The following PIGL variants were observed in gnomAD, a reference collection of about 807,000 sequenced individuals.
PIGL encodes the protein N-acetylglucosaminyl-phosphatidylinositol de-N-acetylase.
In PIGL, 22 loss-of-function variants were observed where a neutral mutation model predicts 31.1. That is an observed-to-expected ratio of 0.71 (90% CI 0.51 to 1.01). The LOEUF (loss-of-function observed/expected upper bound fraction) is 1.01. Ranked by LOEUF, PIGL falls within the 50% of genes least tolerant of loss-of-function variation. The pLI is 0.00. For missense variants in PIGL, 302 were observed against 315.9 expected (o/e 0.96, Z 0.33); for synonymous variants, 131 against 117.4 (o/e 1.12, Z -0.75).
chr17:16,318,497 C>G (rs751533343), intron 6 of PIGL, among the ~76,000 whole-genome samples: 5 of 151,962 alleles, frequency 3.3e-5, no homozygotes, highest in Non-Finnish European at 7.4e-5. Context: ...TCTCGACCTC[C>G]TGACCTCGGG....
At chr17:16,262,944 T>C (rs1479152655) in intron 2 of PIGL, among the ~76,000 whole-genome samples, 1 of 152,176 alleles carries the variant, frequency 6.6e-6, no homozygotes, top group Non-Finnish European at 1.5e-5. Context: ...AACATTATGC[T>C]AAGTGAAATA....
At chr17:16,258,102 A>AG (rs2092803253) in intron 2 of PIGL, among the ~76,000 whole-genome samples, 227 of 110,506 alleles carry the variant, frequency 2.1e-3, no homozygotes, top group East Asian at 5.2e-3. Context: ...AGAGAGAGAG[A>AG]AAGAGAGAGA....
chr17:16,294,621 C>G (rs549566135), intron 2 of PIGL, among the ~76,000 whole-genome samples: 98 of 152,314 alleles, frequency 6.4e-4, no homozygotes, highest in African/African-American at 1.5e-3. Flanking sequence ...CATTGAACAC[C>G]TGCTGTGAGT....
intron 2 of PIGL, among the ~76,000 whole-genome samples, chr17:16,258,820 A>G (rs1349907196): frequency 6.6e-6 from 1 of 152,184 alleles, no homozygotes; most frequent in East Asian, 1.9e-4. Context: ...ACATTTTTTT[A>G]TTAACCAAAA....
intron 2 of PIGL, among the ~76,000 whole-genome samples, chr17:16,273,831 G>C (rs144135979): frequency 5.3e-5 from 8 of 152,312 alleles, no homozygotes; most frequent in African/African-American, 1.9e-4. Flanking sequence ...TCTGCCTAAA[G>C]GGGGGAAACA....
intron 2 of PIGL, among the ~76,000 whole-genome samples, chr17:16,272,827 G>A (rs1362997531): frequency 6.6e-6 from 1 of 152,058 alleles, no homozygotes; most frequent in Non-Finnish European, 1.5e-5. Flanking sequence ...GGCCACTTGG[G>A]TCGGTCACCT....
At chr17:16,234,130 A>G (rs1600753750) in intron 2 of PIGL, 60 bp downstream of exon 2, 1 of 952,610 alleles carries the variant, frequency 1.0e-6, no homozygotes, top group East Asian at 2.4e-5. Context: ...TGATATACTC[A>G]AAAGACACAC....
intron 1 of PIGL, among the ~76,000 whole-genome samples, chr17:16,232,472 T>C (rs1053942194): frequency 1.3e-5 from 2 of 152,160 alleles, no homozygotes; most frequent in Admixed American, 1.3e-4. Flanking sequence ...CCAAACTTAT[T>C]GAAAATAGTT....
rs529702953 is a variant in PIGL at position 16,268,763 on chromosome 17, C to G, written c.336-31125C>G. Among the ~76,000 whole-genome samples, 4 of 150,174 alleles carry G rather than the reference C, an allele frequency of 2.7e-5. No homozygotes were observed. In the East Asian group the frequency reaches 8.0e-4, roughly 30 times the overall value. ...CTGCGCCTGGCGTTTTTTTGTTGTTCTTGTTATTTGTTTTTTTAGATGGGA... is the reference window on the plus strand; with the variant it reads ...CTGCGCCTGGCGTTTTTTTGTTGTTGTTGTTATTTGTTTTTTTAGATGGGA... On this transcript the variant is annotated intron_variant, in intron 2 of 6. Transcript: ENST00000225609.
At chr17:16,234,453 A>G (rs1034352617) in intron 2 of PIGL, among the ~76,000 whole-genome samples, 1 of 151,160 alleles carries the variant, frequency 6.6e-6, no homozygotes, top group Non-Finnish European at 1.5e-5. Flanking sequence ...TCAAAAAAGA[A>G]AAGAAAAGTC....
chr17:16,321,237 CTTT>C (rs772667855), intron 6 of PIGL, among the ~76,000 whole-genome samples: 4 of 119,822 alleles, frequency 3.3e-5, no homozygotes, highest in Admixed American at 8.5e-5. Context: ...TGCGCCGGGC[CTTT>C]TTTTTTTTTT....
At chr17:16,290,275 G>T (rs1303376788) in intron 2 of PIGL, among the ~76,000 whole-genome samples, 1 of 151,718 alleles carries the variant, frequency 6.6e-6, no homozygotes, top group Non-Finnish European at 1.5e-5. Flanking sequence ...TAGAAATGGG[G>T]TTTCCACATG....
chr17:16,225,689 T>C (rs534777373), intron 1 of PIGL, among the ~76,000 whole-genome samples: 1 of 152,006 alleles, frequency 6.6e-6, no homozygotes, highest in East Asian at 1.9e-4. Context: ...AGAACCATAT[T>C]TGTGGTAATA....
intron 2 of PIGL, among the ~76,000 whole-genome samples, chr17:16,253,328 A>G (rs1198000675): frequency 2.0e-5 from 3 of 152,182 alleles, no homozygotes; most frequent in African/African-American, 7.2e-5. Flanking sequence ...ACCCATGCCT[A>G]TTAAAGTGCA....
At chr17:16,304,899 G>C (rs2093020302) in intron 3 of PIGL, among the ~76,000 whole-genome samples, 1 of 152,090 alleles carries the variant, frequency 6.6e-6, no homozygotes, top group African/African-American at 2.4e-5. Context: ...TTTGTTGTGG[G>C]GGTTGGCCTT....
At chr17:16,307,493 A>G (rs1245686299) in intron 3 of PIGL, among the ~76,000 whole-genome samples, 1 of 151,892 alleles carries the variant, frequency 6.6e-6, no homozygotes, top group Admixed American at 6.6e-5. Flanking sequence ...AGTTGGCAAG[A>G]CTCTTTCTTT....
intron 2 of PIGL, among the ~76,000 whole-genome samples, chr17:16,276,251 G>A (rs1415558233): frequency 6.6e-6 from 1 of 152,170 alleles, no homozygotes; most frequent in Non-Finnish European, 1.5e-5. Context: ...CTGGGCAATT[G>A]TTGAAACCAA....
chr17:16,226,019 A>AC (rs1289430277), intron 1 of PIGL, among the ~76,000 whole-genome samples: 2 of 151,872 alleles, frequency 1.3e-5, no homozygotes, highest in African/African-American at 4.8e-5. Flanking sequence ...AAAAAAAAAA[A>AC]AGTTAGCCAG....
In PIGL at chr17:16,281,881, C is replaced by A. The variant is rs1369367770; in HGVS notation, c.336-18007C>A. 3 of 304,704 alleles carry A rather than the reference C, an allele frequency of 9.8e-6. No homozygotes were observed. In the East Asian group the frequency reaches 2.7e-4, roughly 27 times the overall value. 18.9% of individuals were successfully genotyped at this position (304,704 alleles called of 1,614,324 possible). A position where few individuals can be genotyped will look rare whatever the true frequency, so the allele number is the denominator to read the frequency against. Reference sequence around the variant, plus strand: ...AGGTGGGGTGCCCACTGGTACAGCTCCCATCTGACATGAAGCAGGCAAGCC... The same window carrying A: ...AGGTGGGGTGCCCACTGGTACAGCTACCATCTGACATGAAGCAGGCAAGCC... On this transcript the variant is annotated intron_variant, in intron 2 of 6. Coordinates refer to ENST00000225609, the MANE Select transcript of PIGL (RefSeq NM_004278.4).
Sources: gnomAD v4.1 joint callset for allele counts (sites outside exome capture counted in the v4.1 genomes callset) on GRCh38, gnomAD v4.1.1 for gene constraint, MANE v1.5 for transcripts, NCBI Gene and HGNC (gene_info 2026-07-23, HGNC 2026-07-21) for gene names.